Variants in GUCY2F observed in about 807,000 individuals in gnomAD.
GUCY2F encodes the protein retinal guanylyl cyclase 2.
A neutral mutation model predicts 73.1 loss-of-function variants in GUCY2F; 61 were observed. That is an observed-to-expected ratio of 0.83 (90% CI 0.68 to 1.03). The LOEUF (loss-of-function observed/expected upper bound fraction) is 1.03. Among genes scored for constraint, GUCY2F ranks in the 50% least tolerant of loss-of-function variants. GUCY2F has a pLI of 0.00. For missense variants in GUCY2F, 912 were observed against 854.3 expected (o/e 1.07, Z -0.84); for synonymous variants, 331 against 307.8 (o/e 1.08, Z -0.79).
At chrX:109,392,727 T>C (rs1220071577) in intron 13 of GUCY2F, among the ~76,000 whole-genome samples, 165 bp downstream of exon 13, 1 of 111,622 alleles carries the variant, frequency 9.0e-6, no homozygotes, top group Non-Finnish European at 1.9e-5. Flanking sequence ...TGGTTTCCAA[T>C]TTTACTTTGA....
At chrX:109,437,391 C>T (rs1569367683) in intron 7 of GUCY2F, among the ~76,000 whole-genome samples, 1 of 112,748 alleles carries the variant, frequency 8.9e-6, no homozygotes, top group Non-Finnish European at 1.9e-5. Flanking sequence ...TGCCTCCTTC[C>T]AAAATGTGAA....
intron 7 of GUCY2F, among the ~76,000 whole-genome samples, chrX:109,439,676 C>T (rs761516104): frequency 9.8e-4 from 109 of 111,770 alleles, no homozygotes; most frequent in African/African-American, 3.3e-3. Flanking sequence ...TCATTGCTCA[C>T]GAATTCTACA....
intron 10 of GUCY2F, among the ~76,000 whole-genome samples, chrX:109,400,489 A>T (rs1484578676): frequency 8.9e-6 from 1 of 112,253 alleles, no homozygotes; most frequent in African/African-American, 3.2e-5. Context: ...TGAAATAGGA[A>T]GAAGGGTGAA....
chrX:109,434,209 G>T (rs1026112451), intron 7 of GUCY2F, among the ~76,000 whole-genome samples: 1 of 110,151 alleles, frequency 9.1e-6, no homozygotes, highest in African/African-American at 3.3e-5. Flanking sequence ...GAATGTGTCA[G>T]GGTTACACTG....
chrX:109,479,557 G>C (rs1932752241), intron 1 of GUCY2F, among the ~76,000 whole-genome samples: 1 of 111,899 alleles, frequency 8.9e-6, no homozygotes, highest in Non-Finnish European at 1.9e-5. Flanking sequence ...TCTGTACTTT[G>C]TCTAGGCAGT....
intron 3 of GUCY2F, among the ~76,000 whole-genome samples, chrX:109,458,443 G>A (rs1932301841): frequency 9.0e-6 from 1 of 111,352 alleles, no homozygotes; most frequent in South Asian, 3.8e-4. Flanking sequence ...TTATGTAAAC[G>A]ACCTGGTACA....
At chrX:109,455,505 A>C (rs1433212595) in intron 3 of GUCY2F, among the ~76,000 whole-genome samples, 1 of 112,114 alleles carries the variant, frequency 8.9e-6, no homozygotes, top group African/African-American at 3.2e-5. Context: ...TTCTTAGTTT[A>C]GCATTCTTGA....
At chrX:109,417,667 G>A (rs1481051827) in intron 8 of GUCY2F, among the ~76,000 whole-genome samples, 1 of 111,030 alleles carries the variant, frequency 9.0e-6, no homozygotes, top group Non-Finnish European at 1.9e-5. Context: ...TTAAATGTAA[G>A]TAGCCTAAAC....
At chrX:109,381,850 A>C in intron 17 of GUCY2F, among the ~76,000 whole-genome samples, 1 of 112,936 alleles carries the variant, frequency 8.9e-6, no homozygotes. Flanking sequence ...AATTCTGTGC[A>C]GTTCTTTAAG....
chrX:109,415,632 A>T, intron 8 of GUCY2F, among the ~76,000 whole-genome samples: 1 of 112,268 alleles, frequency 8.9e-6, no homozygotes, highest in Non-Finnish European at 1.9e-5. Context: ...AGAGACTTGT[A>T]GACTTTTGGA....
chrX:109,399,208 C>G (rs1930780933), intron 10 of GUCY2F, among the ~76,000 whole-genome samples: 1 of 112,749 alleles, frequency 8.9e-6, no homozygotes, highest in Non-Finnish European at 1.9e-5. Flanking sequence ...TGCAACAATT[C>G]CTTCAACTCA....
chrX:109,453,278 G>T (rs1459380471), intron 4 of GUCY2F, among the ~76,000 whole-genome samples: 3 of 111,109 alleles, frequency 2.7e-5, no homozygotes, highest in African/African-American at 9.8e-5. Context: ...TGAAAAGAGT[G>T]GTGGGGAGGC....
rs1366492923 is a variant in GUCY2F at position 109,409,051 on chromosome X, T to C, written c.1909A>G (p.Asn637Asp). ...ATCCAGTCAAGTTTCACATCTTGAT[T>C]TGTCAGTATGTCTTCTAGGCTCCCT... The part of the protein sequence containing the change: ...SRGSLEDILT[N>D]QDVKLDWMFK... Residue 637 changes from asparagine to aspartate, a missense_variant, in exon 9 of 20, where the codon AAT becomes GAT. Physicochemically the swap from Asn to Asp is conservative, Grantham distance 23. Transcript: ENST00000218006. 1.8e-6 allele frequency: 2 copies of C among 1,127,315 alleles called. No homozygotes were observed. The highest frequency in any genetic ancestry group is 2.4e-6 in the Non-Finnish European group (2 of 818,456). The allele number at this position is 1,127,315 out of a possible 1,213,427, so 92.9% of individuals were successfully genotyped here.
intron 6 of GUCY2F, among the ~76,000 whole-genome samples, chrX:109,447,421 T>C (rs1370043934): frequency 9.0e-6 from 1 of 110,582 alleles, no homozygotes; most frequent in Non-Finnish European, 1.9e-5. Context: ...GTGGCACATA[T>C]ACACCATGGA....
At chrX:109,442,308 T>C (rs1931892488) in intron 6 of GUCY2F, among the ~76,000 whole-genome samples, 1 of 111,311 alleles carries the variant, frequency 9.0e-6, no homozygotes, top group African/African-American at 3.3e-5. Flanking sequence ...TACCTCCAAA[T>C]GTGCCTTTCT....
chrX:109,426,237 A>T (rs1931482664), intron 8 of GUCY2F, among the ~76,000 whole-genome samples: 1 of 112,125 alleles, frequency 8.9e-6, no homozygotes, highest in South Asian at 3.7e-4. Flanking sequence ...GAATTGGACA[A>T]TAAAGTAAAT....
intron 13 of GUCY2F, 98 bp from the exon 14 acceptor site, chrX:109,392,201 T>C: frequency 3.6e-6 from 2 of 557,805 alleles, no homozygotes; most frequent in Non-Finnish European, 5.9e-6. Flanking sequence ...TAAAAATCAC[T>C]GCTAATAAAT....
At chrX:109,440,936 G>T (rs973562089) in intron 7 of GUCY2F, among the ~76,000 whole-genome samples, 1 of 112,171 alleles carries the variant, frequency 8.9e-6, no homozygotes, top group African/African-American at 3.2e-5. Context: ...AACAAGTACA[G>T]GAAGAACAAC....
intron 12 of GUCY2F, among the ~76,000 whole-genome samples, chrX:109,394,232 C>G (rs1569357175): frequency 8.9e-6 from 1 of 112,073 alleles, no homozygotes; most frequent in Non-Finnish European, 1.9e-5. Flanking sequence ...ATGTACACTC[C>G]CCCTATCTAT....
Sources: allele counts gnomAD v4.1 joint callset (sites outside exome capture counted in the v4.1 genomes callset), GRCh38; gene constraint gnomAD v4.1.1; transcripts MANE v1.5; gene names NCBI Gene and HGNC (gene_info 2026-07-23, HGNC 2026-07-21).